Variants in RPS9 observed in about 807,000 individuals in gnomAD.
RPS9 encodes small ribosomal subunit protein uS4.
A neutral mutation model predicts 16.9 loss-of-function variants in RPS9; 1 was observed. That is an observed-to-expected ratio of 0.06 (90% confidence interval 0.02 to 0.28). RPS9 has a LOEUF of 0.28. Among genes scored for constraint, RPS9 ranks in the 10% least tolerant of loss-of-function variants. The pLI is 1.00. For missense variants in RPS9, 137 were observed against 273.2 expected (o/e 0.50, Z 3.51); for synonymous variants, 106 against 110.9 (o/e 0.96, Z 0.28).
chr19:54,203,950 C>G (rs1433446102), intron 3 of RPS9, among the ~76,000 whole-genome samples: 1 of 152,108 alleles, frequency 6.6e-6, no homozygotes, highest in Non-Finnish European at 1.5e-5. Context: ...GTGCATTGGC[C>G]CAGTGGAGCC....
Position 54,201,878 on chromosome 19 carries a change from C to T in RPS9, c.220+269C>T, listed in dbSNP as rs962754931. The T allele has an allele frequency of 7.3e-6, 4 of 545,040 alleles. No homozygotes were observed. The African/African-American group carries it at 7.5e-5, about 10-fold the overall frequency. The allele number at this position is 545,040 out of a possible 1,614,324, so 33.8% of individuals were successfully genotyped here. ...AGATAGGCCTGGCACACCTGGGCAC[C>T]CGTCTATATCTTTATATTCTGTTTA... On this transcript the variant is annotated intron_variant, in intron 3 of 4. Coordinates refer to ENST00000302907, the MANE Select transcript of RPS9 (RefSeq NM_001013.4).
intron 3 of RPS9, chr19:54,202,630 G>A: frequency 1.0e-6 from 1 of 985,400 alleles, no homozygotes; most frequent in Non-Finnish European, 1.2e-6. Flanking sequence ...GAGATGCGGT[G>A]TTATTGGAGT....
At chr19:54,201,011 A>G (rs2077023069) in intron 1 of RPS9, 123 bp downstream of exon 1, 2 of 1,447,802 alleles carry the variant, frequency 1.4e-6, no homozygotes, top group African/African-American at 1.4e-5. Flanking sequence ...ACGGGAGTGC[A>G]GCACGGTTGT....
chr19:54,206,133 A>ACC, intron 3 of RPS9, 143 bp from the exon 4 acceptor site: 1 of 776,754 alleles, frequency 1.3e-6, no homozygotes, highest in South Asian at 1.8e-5. Flanking sequence ...TGGTTTTGAC[A>ACC]GTGACATGGG....
At chr19:54,201,011 A>T in intron 1 of RPS9, 123 bp downstream of exon 1, 1 of 1,447,920 alleles carries the variant, frequency 6.9e-7, no homozygotes, top group Non-Finnish European at 9.1e-7. Flanking sequence ...ACGGGAGTGC[A>T]GCACGGTTGT....
In RPS9 at chr19:54,206,432, C is replaced by G; in HGVS notation, c.377C>G (p.Ala126Gly). ...GGCTTGGCCAAGTCCATCCACCACG[C>G]TCGCGTGCTGATCCGCCAGCGCCAT... Reference protein sequence around the residue: ...KLGLAKSIHHARVLIRQRHIR... With the variant: ...KLGLAKSIHHGRVLIRQRHIR... Residue 126 changes from alanine (A) to glycine (G), a missense_variant, in exon 4 of 5, where the codon GCT becomes GGT. Coordinates refer to ENST00000302907, the MANE Select transcript of RPS9 (RefSeq NM_001013.4). The G allele has an allele frequency of 2.5e-6, 4 of 1,614,276 alleles. No individual in the cohort carries two copies. The highest frequency in any genetic ancestry group is 3.4e-6 in the Non-Finnish European group (4 of 1,180,052).
At chr19:54,202,560 T>C (rs1300313229) in intron 3 of RPS9, 4 of 982,330 alleles carry the variant, frequency 4.1e-6, no homozygotes, top group Non-Finnish European at 4.8e-6. Flanking sequence ...CTAATTGTGG[T>C]GAAATACACA....
intron 1 of RPS9, 131 bp downstream of exon 1, chr19:54,201,019 TG>T: frequency 1.4e-6 from 2 of 1,454,284 alleles, no homozygotes; most frequent in African/African-American, 1.4e-5. Context: ...GCAGCACGGT[TG>T]TGGGGGCAGA....
chr19:54,202,889 G>T (rs1355948202), intron 3 of RPS9: 9 of 984,500 alleles, frequency 9.1e-6, no homozygotes, highest in Non-Finnish European at 9.6e-6. Context: ...ATAGGCACAG[G>T]ATCTTGCAGT....
At chr19:54,207,311 G>C in intron 4 of RPS9, 87 bp from the exon 5 acceptor site, 1 of 1,200,216 alleles carries the variant, frequency 8.3e-7, no homozygotes, top group East Asian at 2.4e-5. Context: ...CGGCCTCACG[G>C]GGTGGGTGGA....
Position 54,206,460 on chromosome 19 carries a change from C to A in RPS9, c.405C>A (p.Ile135=). The A allele has an allele frequency of 1.2e-6, 2 of 1,614,242 alleles. No homozygotes were observed. Among genetic ancestry groups the A allele is most frequent in the South Asian group, 2.2e-5 (2 of 91,086 alleles). ...HARVLIRQRH[I]RVRKQVVNIP... ...GCGTGCTGATCCGCCAGCGCCATAT[C>A]AGGTACCACCTCGGATGGGCACCTG... Residue 135 remains isoleucine, a splice_region_variant and synonymous_variant, in exon 4 of 5, where the codon ATC becomes ATA. Transcript: ENST00000302907.
chr19:54,202,452 CCTGAACAGGAGAGA>C, intron 3 of RPS9: 1 of 985,266 alleles, frequency 1.0e-6, no homozygotes, highest in Non-Finnish European at 1.2e-6. Context: ...TTAGCAAAGG[CCTGAACAGGAGAGA>C]ACCTGTAAAA....
intron 3 of RPS9, 128 bp downstream of exon 3, chr19:54,201,737 T>C (rs2077060887): frequency 9.4e-6 from 14 of 1,481,936 alleles, no homozygotes; most frequent in Non-Finnish European, 1.3e-5. Flanking sequence ...TTCTAACTTT[T>C]AGTGGCACTT....
intron 1 of RPS9, 69 bp downstream of exon 1, chr19:54,200,957 C>G: frequency 7.1e-7 from 1 of 1,406,368 alleles, no homozygotes; most frequent in Non-Finnish European, 9.2e-7. Flanking sequence ...TCCGAGTTTC[C>G]ATGAGTAAGC....
chr19:54,201,097 G>A, intron 1 of RPS9, 63 bp from the exon 2 acceptor site: 1 of 1,587,498 alleles, frequency 6.3e-7, no homozygotes, highest in East Asian at 2.2e-5. Context: ...AGGTTTTGGC[G>A]TAGTTGTGGG....
chr19:54,203,801 G>A (rs1200968081), intron 3 of RPS9, among the ~76,000 whole-genome samples: 1 of 121,316 alleles, frequency 8.2e-6, no homozygotes, highest in African/African-American at 3.2e-5. Context: ...CAACTGTGAA[G>A]AAATGTAGGA....
chr19:54,206,547 A>C lies in RPS9; in HGVS notation c.407+85A>C, dbSNP rs570217307. On this transcript the variant is annotated intron_variant, in intron 4 of 4. Transcript: ENST00000302907. Reference sequence around the variant, plus strand: ...ACTAAGCCTGCTGTCCCTATCTCCTATGCAGCCCTCGGAGGTGATGGGTGT... The same window carrying C: ...ACTAAGCCTGCTGTCCCTATCTCCTCTGCAGCCCTCGGAGGTGATGGGTGT... 2.5e-6 allele frequency: 4 copies of C among 1,579,754 alleles called. No homozygotes were observed. The South Asian group carries it at 3.4e-5, about 14-fold the overall frequency.
Position 54,201,147 on chromosome 19 carries a change from C to A in RPS9, c.-25-13C>A, listed in dbSNP as rs568747437. On this transcript the variant is annotated splice_polypyrimidine_tract_variant and intron_variant, in intron 1 of 4. Transcript: ENST00000302907. Reference sequence around the variant, plus strand: ...GTTTGGATCCCTTACGCTCACACTTCTCTCCCGCGCAGGCGCAGACGGGGA... The same window carrying A: ...GTTTGGATCCCTTACGCTCACACTTATCTCCCGCGCAGGCGCAGACGGGGA... 1.9e-6 allele frequency: 3 copies of A among 1,612,456 alleles called. No individual in the cohort carries two copies. The highest frequency in any genetic ancestry group is 1.3e-5 in the African/African-American group (1 of 75,004).
chr19:54,207,372 C>G (rs772180236), intron 4 of RPS9, 26 bp from the exon 5 acceptor site: 8 of 1,587,440 alleles, frequency 5.0e-6, no homozygotes, highest in Non-Finnish European at 6.9e-6. Context: ...CTCCTCCAGT[C>G]CACCTCACCT....
Sources: allele counts gnomAD v4.1 joint callset (sites outside exome capture counted in the v4.1 genomes callset), GRCh38; gene constraint gnomAD v4.1.1; transcripts MANE v1.5; gene names NCBI Gene and HGNC (gene_info 2026-07-23, HGNC 2026-07-21).